Variants in ODR4 observed in about 807,000 individuals in gnomAD.
ODR4 encodes protein odr-4 homolog.
Under a neutral mutation model 60.2 loss-of-function variants are expected in ODR4, and 47 were observed. That is an observed-to-expected ratio of 0.78 (90% CI 0.62 to 1.00). ODR4 has a LOEUF of 1.00. Among genes scored for constraint, ODR4 ranks in the 50% least tolerant of loss-of-function variants. The probability of loss-of-function intolerance (pLI) is 0.00; values close to 1 mark genes in which losing one functional copy is unlikely to be tolerated. For synonymous variants in ODR4, 178 were observed against 175.5 expected (o/e 1.01, Z -0.11); for missense variants, 488 against 530.8 (o/e 0.92, Z 0.79).
chr1:186,393,873 A>T (rs1660564306), intron 8 of ODR4, 74 bp from the exon 9 acceptor site: 1 of 784,318 alleles, frequency 1.3e-6, no homozygotes, highest in Non-Finnish European at 2.1e-6. Flanking sequence ...TAGTATATGT[A>T]CAATAGTTTA....
chr1:186,432,086 T>C, the ODR4 span, among the ~76,000 whole-genome samples: 1 of 152,186 alleles, frequency 6.6e-6, no homozygotes, highest in Non-Finnish European at 1.5e-5. Context: ...GAACAAGTTT[T>C]GGTAGCTTCT....
intron 11 of ODR4, among the ~76,000 whole-genome samples, chr1:186,400,211 C>T (rs919158767): frequency 2.6e-5 from 4 of 150,958 alleles, no homozygotes; most frequent in East Asian, 2.0e-4. Flanking sequence ...AGGATGGTCT[C>T]GATCTCCTGA....
At chr1:186,402,649 A>T (rs1661028706) in intron 11 of ODR4, among the ~76,000 whole-genome samples, 1 of 151,074 alleles carries the variant, frequency 6.6e-6, no homozygotes, top group Non-Finnish European at 1.5e-5. Context: ...GTGCACAGGT[A>T]TGATCATAGC....
chr1:186,417,705 T>A (rs533859519), intron 13 of ODR4, 51 bp downstream of exon 13: 29 of 986,846 alleles, frequency 2.9e-5, no homozygotes, highest in Non-Finnish European at 4.5e-5. Flanking sequence ...TAGATTTGAG[T>A]TTTCTTGTTA....
chr1:186,417,826 A>G (rs1056295844), intron 13 of ODR4, among the ~76,000 whole-genome samples, 172 bp downstream of exon 13: 1 of 152,196 alleles, frequency 6.6e-6, no homozygotes, highest in Non-Finnish European at 1.5e-5. Flanking sequence ...TTTATAATTC[A>G]TACATTGTCA....
intron 9 of ODR4, among the ~76,000 whole-genome samples, chr1:186,394,328 C>G (rs1310518459): frequency 1.3e-5 from 2 of 151,924 alleles, no homozygotes; most frequent in African/African-American, 4.8e-5. Flanking sequence ...GTTAAAGTTG[C>G]AATTTTAACA....
chr1:186,401,418 C>T (rs1444301352), intron 11 of ODR4: 1 of 349,966 alleles, frequency 2.9e-6, no homozygotes. Flanking sequence ...GTATTCTGCT[C>T]CTAGCAGAGT....
In ODR4 at chr1:186,398,939, T is replaced by C; in HGVS notation, c.910-15T>C. The C allele has an allele frequency of 6.4e-7, 1 of 1,559,774 alleles. No homozygotes were observed. The highest frequency in any genetic ancestry group is 1.4e-5 in the African/African-American group (1 of 72,890). The stretch of plus-strand genomic sequence containing the variant: ...TTTATTTCTTACTGTGTTTTTTGTG[T>C]GTTTTTCCCTGTAGGCAGTAAAGAG... On this transcript the variant is annotated splice_polypyrimidine_tract_variant and intron_variant, in intron 10 of 13. Transcript: ENST00000287859.
chr1:186,388,638 T>C, intron 5 of ODR4, 90 bp downstream of exon 5: 2 of 711,204 alleles, frequency 2.8e-6, no homozygotes, highest in Non-Finnish European at 4.4e-6. Context: ...AAATCATCAT[T>C]TAAAAAATAG....
At chr1:186,398,591 G>T in intron 10 of ODR4, 150 bp downstream of exon 10, 1 of 803,468 alleles carries the variant, frequency 1.2e-6, no homozygotes, top group Non-Finnish European at 1.8e-6. Flanking sequence ...CCATATAATT[G>T]GTGTGAAGAT....
At chr1:186,430,840 CTA>C in the ODR4 span, among the ~76,000 whole-genome samples, 1 of 147,642 alleles carries the variant, frequency 6.8e-6, no homozygotes, top group Non-Finnish European at 1.5e-5. Flanking sequence ...ATTTTCATTT[CTA>C]TGTCACCCTC....
chr1:186,418,514 GA>G (rs1661670834), intron 13 of ODR4, among the ~76,000 whole-genome samples: 1 of 151,808 alleles, frequency 6.6e-6, no homozygotes, highest in Non-Finnish European at 1.5e-5. Flanking sequence ...CTATAATCAG[GA>G]AAAAATAAAA....
chr1:186,380,839 A>G (rs1659993415), intron 2 of ODR4, among the ~76,000 whole-genome samples: 1 of 152,270 alleles, frequency 6.6e-6, no homozygotes, highest in Non-Finnish European at 1.5e-5. Flanking sequence ...CTTATAAAGA[A>G]TACACTGTCC....
chr1:186,407,154 G>GA (rs1661203163), intron 12 of ODR4, among the ~76,000 whole-genome samples: 1 of 151,996 alleles, frequency 6.6e-6, no homozygotes, highest in African/African-American at 2.4e-5. Context: ...TTTCAGTGGG[G>GA]AAAATAAAAT....
chr1:186,415,875 G>A (rs989298256), intron 12 of ODR4, among the ~76,000 whole-genome samples: 17 of 152,148 alleles, frequency 1.1e-4, no homozygotes, highest in East Asian at 1.9e-4. Flanking sequence ...TGTGATGGTC[G>A]AAATGCACTT....
chr1:186,404,953 TTAAC>T, intron 11 of ODR4, among the ~76,000 whole-genome samples: 1 of 152,328 alleles, frequency 6.6e-6, no homozygotes, highest in African/African-American at 2.4e-5. Flanking sequence ...ATCGTAGCAT[TTAAC>T]TAAAAAGTAA....
intron 12 of ODR4, among the ~76,000 whole-genome samples, chr1:186,415,872 G>T (rs1661547577): frequency 6.6e-6 from 1 of 152,186 alleles, no homozygotes; most frequent in Non-Finnish European, 1.5e-5. Flanking sequence ...GCCTGTGATG[G>T]TCGAAATGCA....
chr1:186,381,549 G>C (rs1017714892), intron 2 of ODR4, among the ~76,000 whole-genome samples: 1 of 152,024 alleles, frequency 6.6e-6, no homozygotes, highest in Non-Finnish European at 1.5e-5. Context: ...GGATGGTCTC[G>C]ATCTCCTGAT....
chr1:186,400,915 A>T (rs1284126335), intron 11 of ODR4: 13 of 787,002 alleles, frequency 1.7e-5, no homozygotes, highest in Non-Finnish European at 2.5e-5. Context: ...TAGCAGCCCC[A>T]TCTCAGTGTG....
Sources: allele counts gnomAD v4.1 joint callset (sites outside exome capture counted in the v4.1 genomes callset), GRCh38; gene constraint gnomAD v4.1.1; transcripts MANE v1.5; gene names NCBI Gene and HGNC (gene_info 2026-07-23, HGNC 2026-07-21).